Variants in CSMD1 observed in about 807,000 individuals in gnomAD.
CSMD1 encodes CUB and sushi domain-containing protein 1.
A neutral mutation model predicts 417.5 loss-of-function variants in CSMD1; 213 were observed. That is an observed-to-expected ratio of 0.51 (90% CI 0.46 to 0.57). The LOEUF is 0.57. Ranked by LOEUF, CSMD1 falls within the 20% of genes least tolerant of loss-of-function variation. The probability of loss-of-function intolerance (pLI) is 0.00; values close to 1 mark genes in which losing one functional copy is unlikely to be tolerated. For missense variants in CSMD1, 6,923 were observed against 4,529.7 expected, an observed-to-expected ratio of 1.53 and a Z score of -15.17; for synonymous variants, 2,862 against 1,736.8, an observed-to-expected ratio of 1.65 and a Z score of -16.11.
chr8:4,023,988 T>C (rs1267320990), intron 4 of CSMD1, among the ~76,000 whole-genome samples: 1 of 151,912 alleles, frequency 6.6e-6, no homozygotes, highest in Non-Finnish European at 1.5e-5. Flanking sequence ...TTTAATTAAA[T>C]ATAAAGGCTG....
intron 3 of CSMD1, among the ~76,000 whole-genome samples, chr8:4,070,960 G>A (rs536339776): frequency 9.1e-4 from 139 of 152,286 alleles, no homozygotes; most frequent in African/African-American, 3.1e-3. Context: ...TGTAAAATCA[G>A]CAATAATTTA....
intron 1 of CSMD1, among the ~76,000 whole-genome samples, chr8:4,818,953 A>G (rs1204585920): frequency 6.6e-6 from 1 of 152,168 alleles, no homozygotes; most frequent in Non-Finnish European, 1.5e-5. Flanking sequence ...TGTAATTTAT[A>G]TTAAAACTGT....
rs188916930 is a variant in CSMD1, at chr8:3,271,809, C to A, written c.4153+12335G>T. 1.2e-4 allele frequency among the ~76,000 whole-genome samples: 18 copies of A among 152,018 alleles called. No individual in the cohort carries two copies. In the East Asian group the frequency reaches 3.3e-3, roughly 28 times the overall value. On this transcript the variant is annotated intron_variant, in intron 26 of 69. Coordinates refer to ENST00000635120, the MANE Select transcript of CSMD1 (RefSeq NM_033225.6). Reference sequence around the variant, plus strand: ...TTTTTCTTGTAAATTTGTTTGAGTTCATTATAGATTGTGGATATTAGCCCT... The same window carrying A: ...TTTTTCTTGTAAATTTGTTTGAGTTAATTATAGATTGTGGATATTAGCCCT...
intron 1 of CSMD1, among the ~76,000 whole-genome samples, chr8:4,900,814 C>T (rs1393204281): frequency 1.3e-5 from 2 of 152,198 alleles, no homozygotes; most frequent in Non-Finnish European, 2.9e-5. Flanking sequence ...CAAACTATGA[C>T]ACATGAATTC....
chr8:4,128,906 A>G (rs893433766), intron 3 of CSMD1, among the ~76,000 whole-genome samples: 11 of 151,842 alleles, frequency 7.2e-5, no homozygotes, highest in African/African-American at 2.4e-4. Flanking sequence ...TACAACTCAT[A>G]TTGTTTTAAG....
chr8:4,189,620 C>T (rs1016255619), intron 3 of CSMD1, among the ~76,000 whole-genome samples: 2 of 152,116 alleles, frequency 1.3e-5, no homozygotes, highest in Non-Finnish European at 2.9e-5. Flanking sequence ...ATGGCAAAGA[C>T]CCCTAGCAAA....
At chr8:3,091,152 C>A (rs1162129527) in intron 48 of CSMD1, among the ~76,000 whole-genome samples, 1 of 151,934 alleles carries the variant, frequency 6.6e-6, no homozygotes, top group Non-Finnish European at 1.5e-5. Flanking sequence ...AGATTATCAT[C>A]ACTTATGCAA....
chr8:3,657,764 C>G (rs779647573), intron 7 of CSMD1, among the ~76,000 whole-genome samples: 5 of 152,062 alleles, frequency 3.3e-5, no homozygotes, highest in Admixed American at 6.6e-5. Context: ...TTGATGGGCA[C>G]AGCAAACCAC....
chr8:3,889,179 C>A (rs912842378), intron 5 of CSMD1, among the ~76,000 whole-genome samples: 2 of 151,450 alleles, frequency 1.3e-5, no homozygotes, highest in African/African-American at 4.9e-5. Context: ...TGTGACGATG[C>A]AAGATTCGAA....
chr8:3,830,472 G>A (rs1802312713), intron 5 of CSMD1, among the ~76,000 whole-genome samples: 1 of 152,186 alleles, frequency 6.6e-6, no homozygotes, highest in African/African-American at 2.4e-5. Flanking sequence ...CTTTCTCTAA[G>A]CTCTGCATTC....
intron 3 of CSMD1, among the ~76,000 whole-genome samples, chr8:4,368,593 A>G (rs1380498219): frequency 1.3e-5 from 2 of 152,102 alleles, no homozygotes; most frequent in Non-Finnish European, 2.9e-5. Flanking sequence ...CTTTGAATAC[A>G]TTTGGTCCAG....
intron 7 of CSMD1, among the ~76,000 whole-genome samples, chr8:3,617,196 A>G (rs536676108): frequency 6.6e-6 from 1 of 152,330 alleles, no homozygotes; most frequent in African/African-American, 2.4e-5. Context: ...AACAGAGATG[A>G]TATTTACTAA....
intron 5 of CSMD1, among the ~76,000 whole-genome samples, chr8:3,755,048 G>T (rs985373419): frequency 1.3e-5 from 2 of 152,328 alleles, no homozygotes; most frequent in African/African-American, 4.8e-5. Context: ...GTGCAGTTTA[G>T]TTGTCAGAAA....
At chr8:4,440,096 T>C (rs528681591) in intron 2 of CSMD1, among the ~76,000 whole-genome samples, 19 of 152,284 alleles carry the variant, frequency 1.2e-4, no homozygotes, top group Admixed American at 1.1e-3. Flanking sequence ...GTTAGGATAT[T>C]GGAAAAGAGG....
At chr8:3,874,427 A>C (rs1381288363) in intron 5 of CSMD1, among the ~76,000 whole-genome samples, 10 of 152,184 alleles carry the variant, frequency 6.6e-5, no homozygotes, top group African/African-American at 2.4e-4. Flanking sequence ...TCCCTGGATC[A>C]AACTAAGTAA....
At chr8:3,902,469 C>T (rs185470123) in intron 5 of CSMD1, among the ~76,000 whole-genome samples, 1 of 151,948 alleles carries the variant, frequency 6.6e-6, no homozygotes, top group East Asian at 1.9e-4. Flanking sequence ...TTTCCATGGA[C>T]TCAAGTGGCA....
intron 5 of CSMD1, among the ~76,000 whole-genome samples, chr8:3,775,682 C>T (rs570728010): frequency 1.3e-5 from 2 of 152,314 alleles, no homozygotes; most frequent in Non-Finnish European, 2.9e-5. Flanking sequence ...AACACAGTCA[C>T]TGAAATAAGT....
chr8:3,694,820 C>T (rs994807735), intron 7 of CSMD1, among the ~76,000 whole-genome samples: 6 of 151,788 alleles, frequency 4.0e-5, no homozygotes, highest in Admixed American at 1.3e-4. Flanking sequence ...CAGGGGAACG[C>T]GGCAAGGAAT....
intron 1 of CSMD1, among the ~76,000 whole-genome samples, chr8:4,919,032 GA>G (rs2117130068): frequency 6.6e-6 from 1 of 152,280 alleles, no homozygotes; most frequent in African/African-American, 2.4e-5. Context: ...TAGGTGCAGG[GA>G]CGAATGTAAC....
Sources: gnomAD v4.1 joint callset for allele counts (sites outside exome capture counted in the v4.1 genomes callset) on GRCh38, gnomAD v4.1.1 for gene constraint, MANE v1.5 for transcripts, NCBI Gene and HGNC (gene_info 2026-07-23, HGNC 2026-07-21) for gene names.